ARPC2: variants seen among roughly 807,000 people sequenced by gnomAD.
ARPC2 encodes the protein actin related protein 2/3 complex subunit 2, also known as actin-related protein 2/3 complex subunit 2.
Under a neutral mutation model 38.6 loss-of-function variants are expected in ARPC2, and 4 were observed. The observed-to-expected ratio is 0.10, with a 90% CI of 0.05 to 0.24. ARPC2 has a LOEUF of 0.24. Ranked by LOEUF, ARPC2 falls within the 10% of genes least tolerant of loss-of-function variation. ARPC2 has a pLI of 1.00. For synonymous variants in ARPC2, 125 were observed against 140.8 expected, an observed-to-expected ratio of 0.89 and a Z score of 0.79; for missense variants, 229 against 387.3, an observed-to-expected ratio of 0.59 and a Z score of 3.43.
chr2:218,235,108 G>A (rs1689738153), intron 5 of ARPC2: 1 of 301,584 alleles, frequency 3.3e-6, no homozygotes, highest in Non-Finnish European at 6.5e-6. Flanking sequence ...ACCTTGATTA[G>A]AAAAGTCTTC....
chr2:218,227,049 A>G (rs1473019709), intron 3 of ARPC2: 4 of 456,296 alleles, frequency 8.8e-6, no homozygotes, highest in Non-Finnish European at 1.8e-5. Context: ...AGTCCTCGAC[A>G]AGATGATCTT....
chr2:218,218,950 T>A (rs920779468), intron 2 of ARPC2, among the ~76,000 whole-genome samples: 4 of 152,254 alleles, frequency 2.6e-5, no homozygotes, highest in Non-Finnish European at 4.4e-5. Context: ...CTTTGCATTT[T>A]AAATATTCAA....
At position 218,234,409 on chromosome 2, in the gene ARPC2, T is replaced by C. The variant is rs369967005; in HGVS notation, c.268+12T>C. On this transcript the variant is annotated intron_variant, in intron 5 of 10. Coordinates refer to ENST00000315717, the MANE Select transcript of ARPC2 (RefSeq NM_152862.3). ...AAATCCAGAATCAGGTATGTAGTCATGTGAGCAACTATGGAATGACATGGG... is the reference window on the plus strand; with the variant it reads ...AAATCCAGAATCAGGTATGTAGTCACGTGAGCAACTATGGAATGACATGGG... 27 of 1,588,932 alleles carry C rather than the reference T, an allele frequency of 1.7e-5. No homozygotes were observed. Among genetic ancestry groups the C allele is most frequent in the Admixed American group, 5.1e-5 (3 of 58,784 alleles).
intron 8 of ARPC2, among the ~76,000 whole-genome samples, chr2:218,246,530 A>G (rs1347565030): frequency 6.6e-6 from 1 of 152,056 alleles, no homozygotes; most frequent in Non-Finnish European, 1.5e-5. Context: ...ACCTTGTCTC[A>G]AAAAGAAAAA....
At chr2:218,245,975 G>C (rs1002483989) in intron 8 of ARPC2, among the ~76,000 whole-genome samples, 4 of 152,018 alleles carry the variant, frequency 2.6e-5, no homozygotes, top group South Asian at 4.2e-4. Flanking sequence ...CAGCACTTTG[G>C]GAGGTTAAGG....
intron 8 of ARPC2, among the ~76,000 whole-genome samples, chr2:218,247,783 A>T (rs778243057): frequency 6.6e-6 from 1 of 152,092 alleles, no homozygotes; most frequent in Non-Finnish European, 1.5e-5. Context: ...CTCTACAAAA[A>T]ATACAAAAAC....
chr2:218,239,727 G>A lies in ARPC2; in HGVS notation c.549+243G>A, dbSNP rs145894451. ...TCCTGCCTCAACCTCCTGAGTAGCTGGGATTGTAGGCATGCACCACCACAC... is the reference window on the plus strand; with the variant it reads ...TCCTGCCTCAACCTCCTGAGTAGCTAGGATTGTAGGCATGCACCACCACAC... On this transcript the variant is annotated intron_variant, in intron 7 of 10. Coordinates refer to ENST00000315717, the MANE Select transcript of ARPC2 (RefSeq NM_152862.3). Among the ~76,000 whole-genome samples, 988 of 151,824 alleles carry A rather than the reference G, an allele frequency of 6.5e-3. 12 individuals are homozygous for A. The highest frequency in any genetic ancestry group is 0.023 in the African/African-American group (932 of 41,368).
Position 218,254,271 on chromosome 2 carries a change from C to A in ARPC2, c.*356C>A, listed in dbSNP as rs979591865. On this transcript the variant is annotated 3_prime_UTR_variant, in exon 11 of 11. Transcript: ENST00000315717. ...TAATGCAGTCATAACTTGTTTTCTC[C>A]TAAGTATTTGAGTTCAAAACTCCTG... is the stretch of plus-strand genomic sequence containing the variant. The A allele has an allele frequency of 4.8e-6, 1 of 209,284 alleles. No individual in the cohort carries two copies. Among genetic ancestry groups the A allele is most frequent in the Non-Finnish European group, 9.7e-6 (1 of 103,582 alleles). The allele number at this position is 209,284 out of a possible 1,614,324, so 13.0% of individuals were successfully genotyped here.
chr2:218,252,862 T>G (rs1214728550), intron 10 of ARPC2: 3 of 456,034 alleles, frequency 6.6e-6, no homozygotes, highest in Non-Finnish European at 1.3e-5. Context: ...CAGGAAGGGA[T>G]GAATCCTTAA....
At chr2:218,247,227 C>G (rs1690061082) in intron 8 of ARPC2, among the ~76,000 whole-genome samples, 1 of 152,196 alleles carries the variant, frequency 6.6e-6, no homozygotes, top group Non-Finnish European at 1.5e-5. Context: ...CAAGCTCCAG[C>G]CGTGATCCAC....
intron 2 of ARPC2, among the ~76,000 whole-genome samples, chr2:218,224,638 C>G (rs940086172): frequency 6.6e-6 from 1 of 152,206 alleles, no homozygotes; most frequent in Admixed American, 6.5e-5. Context: ...CTCTGCTTCT[C>G]CGTAAACCCA....
At chr2:218,242,421 C>T (rs1043102258) in intron 7 of ARPC2, among the ~76,000 whole-genome samples, 20 of 152,158 alleles carry the variant, frequency 1.3e-4, no homozygotes, top group Non-Finnish European at 2.2e-4. Context: ...TTTATATGTT[C>T]AGGGACAAAG....
intron 4 of ARPC2, among the ~76,000 whole-genome samples, chr2:218,230,287 C>CTTTTTTTTTTTTTTTTTTTTTTTTTT (rs768585570): frequency 1.4e-5 from 1 of 73,010 alleles, no homozygotes; most frequent in Non-Finnish European, 2.4e-5. Flanking sequence ...TTTTTTTTTT[C>CTTTTTTTTTTTTTTTTTTTTTTTTTT]TTTTTTTTTT....
chr2:218,239,525 C>T, intron 7 of ARPC2, 41 bp downstream of exon 7: 1 of 1,487,448 alleles, frequency 6.7e-7, no homozygotes, highest in African/African-American at 1.4e-5. Flanking sequence ...TGCATGGCGA[C>T]TTATACCTTT....
At chr2:218,243,577 C>T (rs1689964646) in intron 7 of ARPC2, among the ~76,000 whole-genome samples, 1 of 152,168 alleles carries the variant, frequency 6.6e-6, no homozygotes, top group Admixed American at 6.6e-5. Flanking sequence ...CAGTTTGAGA[C>T]CAGCCTGGCC....
At chr2:218,244,372 C>G (rs1436583130) in intron 7 of ARPC2, among the ~76,000 whole-genome samples, 2 of 152,216 alleles carry the variant, frequency 1.3e-5, no homozygotes, top group Non-Finnish European at 2.9e-5. Flanking sequence ...TTCCTGCCTG[C>G]AACTGGAAAC....
At chr2:218,227,341 T>C (rs759180459) in intron 3 of ARPC2, among the ~76,000 whole-genome samples, 1 of 152,268 alleles carries the variant, frequency 6.6e-6, no homozygotes, top group African/African-American at 2.4e-5. Context: ...AATGTGTGGA[T>C]ATTGTTTGCA....
At position 218,245,482 on chromosome 2, in the gene ARPC2, A is replaced by C; in HGVS notation, c.612A>C (p.Glu204Asp). The change falls in exon 8 of 11, where the codon GAA becomes GAC. Residue 204 changes from glutamate (E) to aspartate (D), a missense_variant. Physicochemically the swap from Glu to Asp is conservative, Grantham distance 45. Transcript: ENST00000315717. ...CACAGGTCCTCTTTAGCCACAGGGAACCTCCTCTGGAGCTGAAAGACACAG... is the reference window on the plus strand; with the variant it reads ...CACAGGTCCTCTTTAGCCACAGGGACCCTCCTCTGGAGCTGAAAGACACAG... ...TAPQVLFSHR[E>D]PPLELKDTDA... The C allele has an allele frequency of 6.2e-7, 1 of 1,614,090 alleles. No homozygotes were observed. The highest frequency in any genetic ancestry group is 8.5e-7 in the Non-Finnish European group (1 of 1,180,006).
intron 7 of ARPC2, among the ~76,000 whole-genome samples, chr2:218,240,083 T>C (rs546610911): frequency 6.6e-6 from 1 of 152,034 alleles, no homozygotes; most frequent in African/African-American, 2.4e-5. Flanking sequence ...GCCTCCCAAG[T>C]AGCTGGGATT....
Sources: gnomAD v4.1 joint callset for allele counts (sites outside exome capture counted in the v4.1 genomes callset) on GRCh38, gnomAD v4.1.1 for gene constraint, MANE v1.5 for transcripts, NCBI Gene and HGNC (gene_info 2026-07-23, HGNC 2026-07-21) for gene names.